RARB: variants seen among roughly 807,000 people sequenced by gnomAD.
RARB encodes the protein HBV-activated protein.
A neutral mutation model predicts 51.9 loss-of-function variants in RARB; 17 were observed. That is an observed-to-expected ratio of 0.33 (90% CI 0.22 to 0.49). The LOEUF (loss-of-function observed/expected upper bound fraction) is 0.49. Ranked by LOEUF, RARB falls within the 20% of genes least tolerant of loss-of-function variation. The pLI, the probability that RARB is intolerant of heterozygous loss-of-function variation, is 0.99. For synonymous variants in RARB, 215 were observed against 195.4 expected (o/e 1.10, Z -0.84); for missense variants, 369 against 550.8 (o/e 0.67, Z 3.30).
chr3:25,135,503 T>C (rs1700018925), intron 4 of RARB, among the ~76,000 whole-genome samples: 1 of 151,958 alleles, frequency 6.6e-6, no homozygotes, highest in Admixed American at 6.6e-5. Flanking sequence ...ACCACGATTA[T>C]GCTACAAAAT....
chr3:25,595,494 A>T lies in RARB; in HGVS notation c.1150+816A>T, dbSNP rs141363740. Among the ~76,000 whole-genome samples the T allele has an allele frequency of 2.6e-3, 394 of 152,354 alleles. 2 individuals carry two copies. The highest frequency in any genetic ancestry group is 9.0e-3 in the African/African-American group (375 of 41,596). Reference sequence around the variant, plus strand: ...CATCCTTGCATGGAATTAAGAGTAGAAGTAAACAGCAGATACCAGTGTGGT... The same window carrying T: ...CATCCTTGCATGGAATTAAGAGTAGTAGTAAACAGCAGATACCAGTGTGGT... On this transcript the variant is annotated intron_variant, in intron 7 of 7. Transcript: ENST00000330688.
chr3:25,097,567 A>G (rs1402038054), intron 3 of RARB, among the ~76,000 whole-genome samples: 1 of 152,196 alleles, frequency 6.6e-6, no homozygotes, highest in Non-Finnish European at 1.5e-5. Context: ...GCTTGAGCCC[A>G]GGAGTTCTGG....
chr3:24,968,459 A>T (rs1211276973), intron 2 of RARB, among the ~76,000 whole-genome samples: 1 of 152,140 alleles, frequency 6.6e-6, no homozygotes, highest in African/African-American at 2.4e-5. Flanking sequence ...GTTAATAATT[A>T]AAATAACCAT....
At chr3:25,217,088 ATCCT>A (rs1457923963) in intron 5 of RARB, among the ~76,000 whole-genome samples, 1 of 152,156 alleles carries the variant, frequency 6.6e-6, no homozygotes, top group African/African-American at 2.4e-5. Flanking sequence ...TTGATTCTCA[ATCCT>A]TCCTTCATTA....
intron 4 of RARB, among the ~76,000 whole-genome samples, chr3:25,159,830 A>AT (rs1700445529): frequency 6.6e-6 from 1 of 152,196 alleles, no homozygotes; most frequent in Non-Finnish European, 1.5e-5. Flanking sequence ...CAGTATTCAA[A>AT]TGAGGTTAAA....
intron 1 of RARB, among the ~76,000 whole-genome samples, chr3:24,837,138 A>T (rs1702355675): frequency 6.6e-6 from 1 of 152,218 alleles, no homozygotes; most frequent in Non-Finnish European, 1.5e-5. Flanking sequence ...TGTTGAATGG[A>T]TGAATGACTT....
In RARB at chr3:25,132,213, G is replaced by A. The variant is rs572621546; in HGVS notation, c.-280+5G>A. Among the ~76,000 whole-genome samples, 5 of 151,922 alleles carry A rather than the reference G, an allele frequency of 3.3e-5. No individual in the cohort carries two copies. In the South Asian group the frequency reaches 1.0e-3, roughly 32 times the overall value. On this transcript the variant is annotated splice_donor_5th_base_variant and intron_variant, in intron 4 of 11. Transcript: ENST00000383772. ...ACTTCTGCTTGAATCCAAGTGGTAAGTCTTTCCTGTACCAAGGTGCTCATA... is the reference window on the plus strand; with the variant it reads ...ACTTCTGCTTGAATCCAAGTGGTAAATCTTTCCTGTACCAAGGTGCTCATA...
chr3:25,405,872 A>C (rs1707392771), intron 5 of RARB, among the ~76,000 whole-genome samples: 1 of 152,110 alleles, frequency 6.6e-6, no homozygotes, highest in Non-Finnish European at 1.5e-5. Flanking sequence ...CATAGGAGCC[A>C]GCTCTTGGTG....
intron 5 of RARB, among the ~76,000 whole-genome samples, chr3:25,201,070 A>G (rs961192767): frequency 2.3e-4 from 35 of 152,258 alleles, no homozygotes; most frequent in African/African-American, 8.4e-4. Context: ...CTTCCTACCC[A>G]TGAGCATGGA....
chr3:25,332,985 A>C (rs1044438897), intron 5 of RARB, among the ~76,000 whole-genome samples: 68 of 152,222 alleles, frequency 4.5e-4, no homozygotes, highest in Middle Eastern at 3.4e-3. Context: ...TGAAGGACCT[A>C]TTCAAGGAGA....
chr3:25,116,828 A>C (rs2125327504), intron 3 of RARB, among the ~76,000 whole-genome samples: 1 of 152,242 alleles, frequency 6.6e-6, no homozygotes, highest in South Asian at 2.1e-4. Flanking sequence ...CTATTGCTGC[A>C]TTACCCTAGG....
chr3:25,049,774 T>C (rs1698289975), intron 2 of RARB, among the ~76,000 whole-genome samples: 1 of 152,242 alleles, frequency 6.6e-6, no homozygotes, highest in Non-Finnish European at 1.5e-5. Context: ...TAACTATGGA[T>C]GATTCCCTGC....
chr3:25,341,681 T>G (rs936781694), intron 5 of RARB, among the ~76,000 whole-genome samples: 1 of 152,126 alleles, frequency 6.6e-6, no homozygotes, highest in Admixed American at 6.5e-5. Flanking sequence ...AGAACTACTT[T>G]TGGTTGTCAC....
intron 3 of RARB, among the ~76,000 whole-genome samples, chr3:25,511,084 C>G (rs6764501): frequency 6.6e-6 from 1 of 152,134 alleles, no homozygotes; most frequent in Non-Finnish European, 1.5e-5. Flanking sequence ...TAAAACTTTA[C>G]AAACACAGTC....
At chr3:25,290,705 G>C (rs1703765548) in intron 5 of RARB, among the ~76,000 whole-genome samples, 1 of 152,146 alleles carries the variant, frequency 6.6e-6, no homozygotes, top group South Asian at 2.1e-4. Flanking sequence ...CAGTGACTTT[G>C]CTCTATTGGT....
Position 25,485,871 on chromosome 3 carries a change from G to A in RARB, c.307-15311G>A, listed in dbSNP as rs113947608. On this transcript the variant is annotated intron_variant, in intron 2 of 7. Coordinates refer to ENST00000330688, the MANE Select transcript of RARB (RefSeq NM_000965.5). ...GTGATGATGGGGCTGTCTAGATTCT[G>A]GGGATAATTGCTGGAAAGGTCAGGA... is the stretch of plus-strand genomic sequence containing the variant. 9.8e-3 allele frequency among the ~76,000 whole-genome samples: 1,492 copies of A among 152,224 alleles called. 9 individuals are homozygous for A. The highest frequency in any genetic ancestry group is 0.038 in the East Asian group (195 of 5,168).
chr3:25,301,843 G>T (rs1242910193), intron 5 of RARB, among the ~76,000 whole-genome samples: 1 of 152,260 alleles, frequency 6.6e-6, no homozygotes, highest in East Asian at 1.9e-4. Flanking sequence ...CAGACCATTG[G>T]TGTCAGCACT....
intron 5 of RARB, among the ~76,000 whole-genome samples, chr3:25,216,285 A>T (rs1701830423): frequency 6.6e-6 from 1 of 152,096 alleles, no homozygotes; most frequent in African/African-American, 2.4e-5. Context: ...ATTTCTTTAT[A>T]CTTTTATCAG....
intron 1 of RARB, among the ~76,000 whole-genome samples, chr3:25,438,053 G>A (rs1708506510): frequency 6.6e-6 from 1 of 152,170 alleles, no homozygotes; most frequent in Non-Finnish European, 1.5e-5. Context: ...GTCAGCTGGG[G>A]CTGAATCATC....
Sources: gnomAD v4.1 joint callset for allele counts (sites outside exome capture counted in the v4.1 genomes callset) on GRCh38, gnomAD v4.1.1 for gene constraint, MANE v1.5 for transcripts, NCBI Gene and HGNC (gene_info 2026-07-23, HGNC 2026-07-21) for gene names.